The following GATA4 variants were observed in gnomAD, a reference collection of about 807,000 sequenced individuals.
GATA4 encodes the protein GATA binding protein 4, also known as transcription factor GATA-4.
GATA4 carries 7 observed loss-of-function variants against 37.9 expected under a neutral mutation model. The ratio of observed to expected loss-of-function variants is 0.18; its 90% CI spans 0.11 to 0.35. The LOEUF is 0.35. GATA4 is among the 10% of genes least tolerant of loss of function. GATA4 has a pLI of 1.00. For missense variants in GATA4, 647 were observed against 653.0 expected, an observed-to-expected ratio of 0.99 and a Z score of 0.10; for synonymous variants, 372 against 292.6, an observed-to-expected ratio of 1.27 and a Z score of -2.77.
At chr8:11,730,001 C>G (rs753824765) in intron 2 of GATA4, among the ~76,000 whole-genome samples, 1 of 152,164 alleles carries the variant, frequency 6.6e-6, no homozygotes, top group Non-Finnish European at 1.5e-5. Context: ...TCATGGCTCA[C>G]TGCAGTCTTT....
At chr8:11,746,412 G>A (rs1422968340) in intron 2 of GATA4, among the ~76,000 whole-genome samples, 3 of 152,116 alleles carry the variant, frequency 2.0e-5, no homozygotes. Flanking sequence ...TGGGAGGGTT[G>A]CACTAGGTTT....
At chr8:11,696,265 C>A (rs35044446) in intron 1 of GATA4, among the ~76,000 whole-genome samples, 1,907 of 152,282 alleles carry the variant, frequency 0.013, 33 homozygotes, top group Middle Eastern at 0.02. Flanking sequence ...CTTCCTCCCC[C>A]TCTACAGTCA....
chr8:11,693,007 GC>G (rs1469305546), intron 1 of GATA4: 1 of 985,256 alleles, frequency 1.0e-6, no homozygotes, highest in Non-Finnish European at 1.2e-6. Context: ...ACCCCCGGCC[GC>G]GCACCGAGGC....
intron 2 of GATA4, among the ~76,000 whole-genome samples, chr8:11,744,176 G>A (rs977054647): frequency 6.6e-6 from 1 of 152,040 alleles, no homozygotes; most frequent in African/African-American, 2.4e-5. Flanking sequence ...TCTTTTATCT[G>A]TCCTCCCCTC....
At chr8:11,681,526 C>T (rs1798974201) in intron 1 of GATA4, 4 of 914,568 alleles carry the variant, frequency 4.4e-6, no homozygotes, top group African/African-American at 1.8e-5. Context: ...CGGTCCCTCT[C>T]GGGAACGGCT....
intron 1 of GATA4, chr8:11,693,104 T>C (rs1799375443): frequency 3.1e-6 from 3 of 975,614 alleles, no homozygotes; most frequent in Non-Finnish European, 3.7e-6. Context: ...TTATTCCACT[T>C]CTTAATCCCA....
At chr8:11,715,402 C>G (rs923375139) in intron 2 of GATA4, among the ~76,000 whole-genome samples, 3 of 152,092 alleles carry the variant, frequency 2.0e-5, no homozygotes, top group Non-Finnish European at 4.4e-5. Context: ...CATTTAATAA[C>G]AAGAAAATAC....
chr8:11,677,835 C>G (rs1798831776), intron 1 of GATA4, among the ~76,000 whole-genome samples: 2 of 152,024 alleles, frequency 1.3e-5, no homozygotes, highest in South Asian at 4.2e-4. Flanking sequence ...AGGTGGACCA[C>G]AGAGCTCGTA....
chr8:11,695,390 G>T (rs762692193), intron 1 of GATA4, among the ~76,000 whole-genome samples: 19 of 151,924 alleles, frequency 1.3e-4, no homozygotes, highest in Non-Finnish European at 2.5e-4. Flanking sequence ...TGGGCACCAA[G>T]AGTGAAACTC....
chr8:11,720,310 A>T (rs193245905), intron 2 of GATA4, among the ~76,000 whole-genome samples: 3 of 152,054 alleles, frequency 2.0e-5, no homozygotes, highest in African/African-American at 7.2e-5. Flanking sequence ...CAGAGGCCAC[A>T]TTAACATTAA....
At chr8:11,681,365 A>C in intron 1 of GATA4, 1 of 985,226 alleles carries the variant, frequency 1.0e-6, no homozygotes, top group South Asian at 4.7e-5. Flanking sequence ...TCGTCCCCCT[A>C]GGTCTCATAA....
intron 1 of GATA4, chr8:11,697,814 G>T: frequency 1.0e-6 from 1 of 985,460 alleles, no homozygotes; most frequent in Non-Finnish European, 1.2e-6. Flanking sequence ...AAGGGTGCCG[G>T]GCCGGTGGGG....
At position 11,716,629 on chromosome 8, in the gene GATA4, A is replaced by G. The variant is rs1256351676; in HGVS notation, c.616+7701A>G. 9.2e-5 allele frequency among the ~76,000 whole-genome samples: 14 copies of G among 152,322 alleles called. No homozygotes were observed. In the South Asian group the frequency reaches 2.5e-3, roughly 27 times the overall value. On this transcript the variant is annotated intron_variant, in intron 2 of 6. Transcript: ENST00000532059. ...TGGGCGGACACCCCAGCCCCACACTACTGTGGCTTCCCCACTTGTGGGCAC... is the reference window on the plus strand; with the variant it reads ...TGGGCGGACACCCCAGCCCCACACTGCTGTGGCTTCCCCACTTGTGGGCAC...
chr8:11,697,591 C>T, intron 1 of GATA4: 1 of 985,418 alleles, frequency 1.0e-6, no homozygotes, highest in Non-Finnish European at 1.2e-6. Flanking sequence ...AAGGGGTCCT[C>T]GCCTGCGCCG....
At chr8:11,750,407 A>G (rs535480647) in intron 4 of GATA4, among the ~76,000 whole-genome samples, 171 bp downstream of exon 4, 19 of 152,332 alleles carry the variant, frequency 1.2e-4, no homozygotes, top group African/African-American at 4.3e-4. Context: ...TTTACATTGT[A>G]TAAGTGAATT....
Position 11,757,015 on chromosome 8 carries a change from G to C in GATA4, c.1081G>C (p.Glu361Gln), listed in dbSNP as rs141808522. ...SSNATTSSSEEMRPIKTEPGL... is the reference protein window; with the variant it reads ...SSNATTSSSEQMRPIKTEPGL... Reference sequence around the variant, plus strand: ...CAACGCCACCACCAGCAGCAGCGAGGAGATGCGTCCCATCAAGACGGAGCC... The same window carrying C: ...CAACGCCACCACCAGCAGCAGCGAGCAGATGCGTCCCATCAAGACGGAGCC... Residue 361 changes from glutamate to glutamine, a missense_variant, in exon 6 of 7, where the codon GAG becomes CAG. This residue lies in a region of GATA4 where 184 missense variants were observed against 157.1 expected (regional missense o/e 1.17). Coordinates refer to ENST00000532059, the MANE Select transcript of GATA4 (RefSeq NM_001308093.3). 1.7e-4 allele frequency: 280 copies of C among 1,614,138 alleles called. No homozygotes were observed. The highest frequency in any genetic ancestry group is 2.2e-4 in the Non-Finnish European group (261 of 1,180,066).
Position 11,743,337 on chromosome 8 carries a change from C to G in GATA4, c.617-5579C>G, listed in dbSNP as rs146414026. Among the ~76,000 whole-genome samples the G allele has an allele frequency of 6.0e-4, 91 of 152,372 alleles. No individual in the cohort carries two copies. The East Asian group carries it at 0.015, about 25-fold the overall frequency. On this transcript the variant is annotated intron_variant, in intron 2 of 6. Coordinates refer to ENST00000532059, the MANE Select transcript of GATA4 (RefSeq NM_001308093.3). The stretch of plus-strand genomic sequence containing the variant: ...AGACGCATGGCAGATATTTGAGTTT[C>G]AGGCATTGCTGTGAAGGGGCTGAGA...
chr8:11,713,066 T>C (rs1020243059), intron 2 of GATA4, among the ~76,000 whole-genome samples: 7 of 152,144 alleles, frequency 4.6e-5, no homozygotes, highest in African/African-American at 1.7e-4. Flanking sequence ...TTTTTTTCTA[T>C]GTAACTGCTG....
chr8:11,742,394 TTTCC>T (rs1352080883), intron 2 of GATA4, among the ~76,000 whole-genome samples: 6 of 63,876 alleles, frequency 9.4e-5, no homozygotes, highest in African/African-American at 1.6e-4. Context: ...GTTTTTTTTT[TTTCC>T]TTTCCCTTTC....
Sources: allele counts gnomAD v4.1 joint callset (sites outside exome capture counted in the v4.1 genomes callset), GRCh38; gene constraint gnomAD v4.1.1; regional missense constraint gnomAD v4.1.1; transcripts MANE v1.5; gene names NCBI Gene and HGNC (gene_info 2026-07-23, HGNC 2026-07-21).